The following RFX8 variants were observed in gnomAD, a reference collection of about 807,000 sequenced individuals.
The protein encoded by RFX8 is DNA-binding protein RFX8.
Under a neutral mutation model 54.6 loss-of-function variants are expected in RFX8, and 46 were observed. The observed-to-expected ratio is 0.84, with a 90% CI of 0.67 to 1.08. The LOEUF (loss-of-function observed/expected upper bound fraction) is 1.08. Among genes scored for constraint, RFX8 ranks in the 50% least tolerant of loss-of-function variants. RFX8 has a pLI of 0.00. For synonymous variants in RFX8, 192 were observed against 209.5 expected, an observed-to-expected ratio of 0.92 and a Z score of 0.72; for missense variants, 536 against 562.3, an observed-to-expected ratio of 0.95 and a Z score of 0.47.
At chr2:101,459,874 A>G (rs6543067) in intron 2 of RFX8, among the ~76,000 whole-genome samples, 52,216 of 151,804 alleles carry the variant, frequency 0.34, 9,597 homozygotes, top group African/African-American at 0.44. Context: ...GGCTTGTTGC[A>G]CTGCAGTGGG....
intron 2 of RFX8, among the ~76,000 whole-genome samples, chr2:101,448,887 AAAG>A (rs1357281814): frequency 1.3e-5 from 2 of 152,242 alleles, no homozygotes. Flanking sequence ...TTTTTATGCC[AAAG>A]AAGGCTCAAA....
intron 7 of RFX8, 149 bp from the exon 8 acceptor site, chr2:101,413,220 A>G: frequency 1.5e-6 from 1 of 683,546 alleles, no homozygotes; most frequent in Non-Finnish European, 2.5e-6. Context: ...TTAAACAAGA[A>G]TGAAAAGGTT....
chr2:101,447,730 T>C (rs115783016), intron 2 of RFX8, among the ~76,000 whole-genome samples: 19 of 152,358 alleles, frequency 1.2e-4, no homozygotes, highest in African/African-American at 4.1e-4. Context: ...TAACCATATG[T>C]TGATATCCAT....
intron 1 of RFX8, chr2:101,474,118 C>G (rs1056437218): frequency 5.6e-6 from 3 of 533,702 alleles, no homozygotes; most frequent in Admixed American, 4.1e-5. Flanking sequence ...CCCGGCGTCC[C>G]GAGGGCAGCC....
chr2:101,438,221 C>T (rs927708594), intron 2 of RFX8, among the ~76,000 whole-genome samples: 1 of 151,934 alleles, frequency 6.6e-6, no homozygotes, highest in African/African-American at 2.4e-5. Flanking sequence ...TTTTAATATA[C>T]AATTAAATTA....
chr2:101,469,506 G>C (rs1199193551), intron 1 of RFX8, among the ~76,000 whole-genome samples: 2 of 151,978 alleles, frequency 1.3e-5, no homozygotes, highest in Admixed American at 6.6e-5. Flanking sequence ...CTCACTATTG[G>C]AAGTTATCAC....
intron 1 of RFX8, among the ~76,000 whole-genome samples, chr2:101,469,879 G>A (rs750240642): frequency 3.3e-5 from 5 of 152,170 alleles, no homozygotes; most frequent in Admixed American, 1.3e-4. Context: ...CACATGGAAA[G>A]AAAGGGCTGC....
intron 2 of RFX8, among the ~76,000 whole-genome samples, chr2:101,461,285 A>T (rs1233761710): frequency 6.7e-6 from 1 of 149,894 alleles, no homozygotes. Flanking sequence ...AAAAAAAAGA[A>T]AGAAAAAGAA....
chr2:101,470,678 T>C (rs1335237966), intron 1 of RFX8, among the ~76,000 whole-genome samples: 1 of 151,308 alleles, frequency 6.6e-6, no homozygotes, highest in East Asian at 1.9e-4. Context: ...CACAAATACT[T>C]AGCCAGTGCT....
chr2:101,421,863 G>T, intron 3 of RFX8, 86 bp from the exon 4 acceptor site: 1 of 964,020 alleles, frequency 1.0e-6, no homozygotes, highest in Non-Finnish European at 1.6e-6. Flanking sequence ...AGCTCTCAGA[G>T]GCCGCTCTTG....
intron 10 of RFX8, among the ~76,000 whole-genome samples, chr2:101,405,259 G>A (rs1259120036): frequency 1.3e-5 from 2 of 151,478 alleles, no homozygotes; most frequent in African/African-American, 4.9e-5. Context: ...TGATTCTCCT[G>A]CCTCAAGCTC....
At chr2:101,466,205 T>C (rs1689563959) in intron 2 of RFX8, among the ~76,000 whole-genome samples, 1 of 151,228 alleles carries the variant, frequency 6.6e-6, no homozygotes, top group African/African-American at 2.4e-5. Context: ...GACATACAGA[T>C]GCAAGAGGCA....
chr2:101,405,577 A>C (rs1474402192), intron 10 of RFX8, among the ~76,000 whole-genome samples: 1 of 152,194 alleles, frequency 6.6e-6, no homozygotes, highest in Admixed American at 6.5e-5. Flanking sequence ...ATGGCAACTT[A>C]ATCATTATTC....
chr2:101,441,006 G>A (rs1046628553), intron 2 of RFX8, among the ~76,000 whole-genome samples: 31 of 125,770 alleles, frequency 2.5e-4, no homozygotes, highest in Non-Finnish European at 2.8e-4. Flanking sequence ...TTGCTCTGTC[G>A]CCCAGGCTGG....
intron 2 of RFX8, among the ~76,000 whole-genome samples, chr2:101,451,576 C>T (rs1037961132): frequency 2.6e-5 from 4 of 150,948 alleles, no homozygotes; most frequent in African/African-American, 9.8e-5. Flanking sequence ...GTAATCCCAG[C>T]TACTCGGGAG....
chr2:101,455,282 G>A (rs772481351), intron 2 of RFX8, among the ~76,000 whole-genome samples: 2 of 151,826 alleles, frequency 1.3e-5, no homozygotes, highest in Non-Finnish European at 2.9e-5. Flanking sequence ...TAAAGTGCTG[G>A]GATTACAGGT....
intron 11 of RFX8, among the ~76,000 whole-genome samples, chr2:101,399,472 G>A (rs1457948283): frequency 6.6e-6 from 1 of 152,126 alleles, no homozygotes; most frequent in African/African-American, 2.4e-5. Context: ...TTATTCTGTA[G>A]TTCAATTAAG....
chr2:101,448,313 T>C (rs1688503671), intron 2 of RFX8, among the ~76,000 whole-genome samples: 1 of 152,190 alleles, frequency 6.6e-6, no homozygotes, highest in Non-Finnish European at 1.5e-5. Context: ...CTAGGCCCCC[T>C]GAACTTTCCC....
At position 101,470,864 on chromosome 2, in the gene RFX8, C is replaced by T. The variant is rs113926418; in HGVS notation, c.-53+3772G>A. ...CCTCCCAAGTAGCTGGGACTACAGG[C>T]GCCTGCCACCTCGCCCGGCTAATTT... On this transcript the variant is annotated intron_variant, in intron 1 of 11. Transcript: ENST00000428343. Among the ~76,000 whole-genome samples the T allele has an allele frequency of 2.5e-3, 375 of 150,828 alleles. 3 individuals are homozygous for T. The highest frequency in any genetic ancestry group is 8.7e-3 in the African/African-American group (358 of 41,312).
Sources: allele counts gnomAD v4.1 joint callset (sites outside exome capture counted in the v4.1 genomes callset), GRCh38; gene constraint gnomAD v4.1.1; transcripts MANE v1.5; gene names NCBI Gene and HGNC (gene_info 2026-07-23, HGNC 2026-07-21).